PDE7B: variants seen among roughly 807,000 people sequenced by gnomAD.
PDE7B encodes 3',5'-cyclic-AMP phosphodiesterase 7B.
A neutral mutation model predicts 56.2 loss-of-function variants in PDE7B; 29 were observed. The observed-to-expected ratio is 0.52, with a 90% CI of 0.38 to 0.70. PDE7B has a LOEUF of 0.70. PDE7B is among the 30% of genes least tolerant of loss of function. The probability of loss-of-function intolerance (pLI) is 0.00; values close to 1 mark genes in which losing one functional copy is unlikely to be tolerated. For missense variants in PDE7B, 490 were observed against 565.0 expected, an observed-to-expected ratio of 0.87 and a Z score of 1.35; for synonymous variants, 197 against 196.9, an observed-to-expected ratio of 1.00 and a Z score of 0.00.
At chr6:135,919,400 A>G (rs1237522836) in intron 1 of PDE7B, among the ~76,000 whole-genome samples, 4 of 152,186 alleles carry the variant, frequency 2.6e-5, no homozygotes, top group Admixed American at 1.3e-4. Context: ...GCTAAGAAAA[A>G]AGAAATATCT....
intron 2 of PDE7B, chr6:136,070,384 A>G (rs1371567461): frequency 6.6e-6 from 1 of 152,176 alleles, no homozygotes; most frequent in Non-Finnish European, 1.5e-5. Context: ...ATATCCAGTT[A>G]GAATATTTAT....
At chr6:136,157,686 G>A (rs1182235356) in intron 8 of PDE7B, among the ~76,000 whole-genome samples, 5 of 152,120 alleles carry the variant, frequency 3.3e-5, no homozygotes, top group Non-Finnish European at 7.4e-5. Flanking sequence ...ATGGGGGAAG[G>A]AGAAACTGAT....
chr6:136,129,797 TC>T (rs1445891049), intron 3 of PDE7B, among the ~76,000 whole-genome samples: 7 of 152,208 alleles, frequency 4.6e-5, no homozygotes, highest in African/African-American at 1.7e-4. Context: ...ACCTTCTGCT[TC>T]TCTCTGTCCC....
At chr6:135,911,107 A>G (rs909761838) in intron 1 of PDE7B, among the ~76,000 whole-genome samples, 13 of 152,232 alleles carry the variant, frequency 8.5e-5, no homozygotes, top group African/African-American at 2.9e-4. Flanking sequence ...ATTTGGCTAT[A>G]AAAAGGGATT....
At chr6:135,861,909 T>C (rs1329712271) in intron 1 of PDE7B, among the ~76,000 whole-genome samples, 1 of 151,894 alleles carries the variant, frequency 6.6e-6, no homozygotes, top group Admixed American at 6.6e-5. Context: ...TCAATTTCTA[T>C]TTTTAACTTT....
At chr6:136,113,816 G>A (rs2128442590) in intron 3 of PDE7B, among the ~76,000 whole-genome samples, 1 of 152,314 alleles carries the variant, frequency 6.6e-6, no homozygotes. Flanking sequence ...TGCAGAGCAG[G>A]CGGCTCCAGC....
intron 1 of PDE7B, among the ~76,000 whole-genome samples, chr6:135,913,358 C>T (rs1374876069): frequency 6.6e-6 from 1 of 152,188 alleles, no homozygotes; most frequent in Non-Finnish European, 1.5e-5. Flanking sequence ...GCTGCCACCT[C>T]ACCTGCTTGC....
intron 2 of PDE7B, chr6:136,043,740 A>G (rs2128210218): frequency 6.6e-6 from 1 of 152,088 alleles, no homozygotes; most frequent in South Asian, 2.1e-4. Flanking sequence ...GTCAAATCTC[A>G]TGTTGTTTTG....
At chr6:136,068,533 C>T (rs1243001933) in intron 2 of PDE7B, among the ~76,000 whole-genome samples, 1 of 149,550 alleles carries the variant, frequency 6.7e-6, no homozygotes, top group East Asian at 2.0e-4. Context: ...CGGGTTCACA[C>T]CATTCTCCTG....
intron 4 of PDE7B, among the ~76,000 whole-genome samples, chr6:136,148,589 T>G (rs1473522710): frequency 6.6e-6 from 1 of 152,024 alleles, no homozygotes; most frequent in Non-Finnish European, 1.5e-5. Flanking sequence ...AAAAAATCAT[T>G]CCTAACAGCT....
intron 1 of PDE7B, among the ~76,000 whole-genome samples, chr6:135,886,571 C>T (rs1316830403): frequency 6.6e-6 from 1 of 152,058 alleles, no homozygotes; most frequent in African/African-American, 2.4e-5. Flanking sequence ...ACACTTATGT[C>T]TTTGTGTCCT....
chr6:136,027,247 T>C (rs1776168080), intron 2 of PDE7B, among the ~76,000 whole-genome samples: 1 of 152,254 alleles, frequency 6.6e-6, no homozygotes, highest in African/African-American at 2.4e-5. Context: ...AGATGTGATC[T>C]AATGGAAATA....
chr6:136,112,117 A>C (rs1477460882), intron 3 of PDE7B, among the ~76,000 whole-genome samples: 1 of 151,936 alleles, frequency 6.6e-6, no homozygotes, highest in Non-Finnish European at 1.5e-5. Context: ...GAATCACTGG[A>C]GCACGCAAGA....
At chr6:135,929,268 G>T (rs925234081) in intron 1 of PDE7B, among the ~76,000 whole-genome samples, 6 of 151,874 alleles carry the variant, frequency 4.0e-5, no homozygotes, top group African/African-American at 1.5e-4. Context: ...TTACAAAAAT[G>T]ATTCAAGAAT....
At chr6:136,180,208 A>G (rs1779040492) in intron 10 of PDE7B, among the ~76,000 whole-genome samples, 1 of 152,190 alleles carries the variant, frequency 6.6e-6, no homozygotes, top group Admixed American at 6.5e-5. Flanking sequence ...CAGCAGTAGA[A>G]CTATGACTCC....
rs534984724 is a variant in PDE7B, at chr6:136,195,545, A to C, written c.*3705A>C. ...CATTGGCATGTCTAGATGAACAAAT[A>C]AAAATAAAGATAATTTCTTTAAAAT... On this transcript the variant is annotated 3_prime_UTR_variant, in exon 13 of 13. Transcript: ENST00000308191. 1 of 132,460 alleles carries C rather than the reference A, an allele frequency of 7.5e-6. No homozygotes were observed. The allele number at this position is 132,460 out of a possible 1,614,324, so 8.2% of individuals were successfully genotyped here.
chr6:136,052,295 T>G (rs1776643244), intron 2 of PDE7B, among the ~76,000 whole-genome samples: 1 of 152,182 alleles, frequency 6.6e-6, no homozygotes, highest in African/African-American at 2.4e-5. Context: ...CAAAAATGAT[T>G]ACTACATTCA....
At chr6:136,176,689 A>G (rs1343992744) in intron 9 of PDE7B, among the ~76,000 whole-genome samples, 2 of 152,148 alleles carry the variant, frequency 1.3e-5, no homozygotes, top group African/African-American at 4.8e-5. Context: ...TGTTCATCAA[A>G]TGCTTTTTCC....
At chr6:135,956,503 G>C (rs188097115) in intron 2 of PDE7B, among the ~76,000 whole-genome samples, 1 of 152,292 alleles carries the variant, frequency 6.6e-6, no homozygotes, top group East Asian at 1.9e-4. Context: ...AGAGGGCTGA[G>C]TGCAGTGGCT....
Sources: gnomAD v4.1 joint callset for allele counts (sites outside exome capture counted in the v4.1 genomes callset) on GRCh38, gnomAD v4.1.1 for gene constraint, MANE v1.5 for transcripts, NCBI Gene and HGNC (gene_info 2026-07-23, HGNC 2026-07-21) for gene names.